The following NEBL variants were observed in gnomAD, a reference collection of about 807,000 sequenced individuals.
The protein encoded by NEBL is LIM and SH3 protein 2.
In NEBL, 122 loss-of-function variants were observed where a neutral mutation model predicts 140.2. The observed-to-expected ratio is 0.87, with a 90% CI of 0.75 to 1.01. The LOEUF is 1.01. NEBL is among the 50% of genes least tolerant of loss of function. The probability of loss-of-function intolerance (pLI) is 0.00; values close to 1 mark genes in which losing one functional copy is unlikely to be tolerated. For synonymous variants in NEBL, 436 were observed against 398.9 expected, an observed-to-expected ratio of 1.09 and a Z score of -1.11; for missense variants, 1,365 against 1,231.3, an observed-to-expected ratio of 1.11 and a Z score of -1.62.
At chr10:21,233,836 TG>T (rs1426152401) in intron 3 of NEBL, among the ~76,000 whole-genome samples, 9 of 122,070 alleles carry the variant, frequency 7.4e-5, no homozygotes, top group South Asian at 3.1e-4. Context: ...TGCATATATA[TG>T]GATATATATT....
chr10:21,267,443 T>C (rs751459578), intron 1 of NEBL, among the ~76,000 whole-genome samples: 47 of 152,356 alleles, frequency 3.1e-4, no homozygotes, highest in African/African-American at 1.1e-3. Context: ...ATTTGGATAG[T>C]TGGGAAAAAA....
intron 3 of NEBL, among the ~76,000 whole-genome samples, chr10:21,230,605 T>TC (rs773444131): frequency 0.046 from 5,846 of 126,546 alleles, 165 homozygotes; most frequent in South Asian, 0.15. Context: ...ACTGGAAACC[T>TC]TTTTTTTTTT....
chr10:20,941,086 C>A (rs866573283), intron 4 of NEBL, among the ~76,000 whole-genome samples: 1 of 151,240 alleles, frequency 6.6e-6, no homozygotes, highest in South Asian at 2.1e-4. Flanking sequence ...ACTCATTTTA[C>A]GAGGCCAGCA....
At position 21,264,810 on chromosome 10, in the gene NEBL, C is replaced by T. The variant is rs540752614; in HGVS notation, n.183-12982G>A. Among the ~76,000 whole-genome samples, 10 of 147,712 alleles carry T rather than the reference C, an allele frequency of 6.8e-5. No individual in the cohort carries two copies. In the South Asian group the frequency reaches 2.2e-3, roughly 32 times the overall value. ...GTTCTGGAGGCTGGGAAATCCAAGA[C>T]CAAGGTGCTAGCAGATTCAGTGTCT... On this transcript the variant is annotated intron_variant and non_coding_transcript_variant, in intron 1 of 8. Transcript: ENST00000675702.
intron 4 of NEBL, among the ~76,000 whole-genome samples, chr10:20,925,495 A>G (rs944365575): frequency 1.3e-5 from 2 of 151,992 alleles, no homozygotes; most frequent in African/African-American, 2.4e-5. Flanking sequence ...CCTTTTTCCC[A>G]AAGCGTCCAC....
chr10:20,807,932 G>T (rs1018777450), intron 26 of NEBL, among the ~76,000 whole-genome samples: 3 of 150,802 alleles, frequency 2.0e-5, no homozygotes, highest in Non-Finnish European at 2.9e-5. Context: ...AAAAGAGTGG[G>T]TATATAAAAT....
At chr10:21,288,834 A>ATATAAATATATATATATG (rs1843101948) in intron 1 of NEBL, among the ~76,000 whole-genome samples, 1 of 81,990 alleles carries the variant, frequency 1.2e-5, no homozygotes, top group Non-Finnish European at 2.3e-5. Context: ...ATATATATAT[A>ATATAAATATATATATATG]TATATATATA....
At chr10:21,146,537 A>G in intron 2 of NEBL, 1 of 1,576,488 alleles carries the variant, frequency 6.3e-7, no homozygotes, top group African/African-American at 1.4e-5. Context: ...GAAAATGGTG[A>G]AAATGGTGCT....
chr10:20,830,733 T>TC (rs1840317501), intron 16 of NEBL, among the ~76,000 whole-genome samples: 1 of 133,192 alleles, frequency 7.5e-6, no homozygotes, highest in South Asian at 2.3e-4. Context: ...TCCAATAGGG[T>TC]CAAAAAAAAA....
intron 2 of NEBL, among the ~76,000 whole-genome samples, chr10:21,037,080 A>G (rs991354627): frequency 1.3e-5 from 2 of 152,142 alleles, no homozygotes; most frequent in Admixed American, 1.3e-4. Flanking sequence ...CAGCATTCCC[A>G]GTCAAGTCTA....
intron 1 of NEBL, among the ~76,000 whole-genome samples, chr10:21,291,407 G>C (rs1164567882): frequency 6.6e-6 from 1 of 151,614 alleles, no homozygotes; most frequent in Non-Finnish European, 1.5e-5. Context: ...TCAGGAGGCT[G>C]AGGCAGGAGA....
At chr10:21,227,791 T>TTC (rs1842189744) in intron 3 of NEBL, among the ~76,000 whole-genome samples, 14 of 146,572 alleles carry the variant, frequency 9.6e-5, no homozygotes, top group African/African-American at 3.6e-4. Flanking sequence ...CTTTCTCTTC[T>TTC]TTCTTCTTCT....
intron 19 of NEBL, among the ~76,000 whole-genome samples, chr10:20,821,602 T>G (rs1252388047): frequency 2.0e-5 from 3 of 152,206 alleles, no homozygotes; most frequent in Admixed American, 2.0e-4. Flanking sequence ...TACCATCAAT[T>G]GAAAACTAGT....
intron 1 of NEBL, among the ~76,000 whole-genome samples, chr10:21,272,298 A>G (rs554603165): frequency 6.6e-6 from 1 of 152,202 alleles, no homozygotes; most frequent in South Asian, 2.1e-4. Context: ...AAAAATAAAC[A>G]AATACACCTG....
chr10:21,005,089 C>T (rs77911366), intron 3 of NEBL, among the ~76,000 whole-genome samples: 2,645 of 152,280 alleles, frequency 0.017, 78 homozygotes, highest in African/African-American at 0.058. Flanking sequence ...TTTGCACGCT[C>T]ACAACCAAAT....
At chr10:20,852,476 A>G (rs1333914995) in intron 10 of NEBL, 69 bp downstream of exon 10, 2 of 970,076 alleles carry the variant, frequency 2.1e-6, no homozygotes, top group Admixed American at 1.7e-5. Flanking sequence ...CACGGCAGTG[A>G]GCGGCGGGCC....
chr10:20,934,800 C>G (rs1438352514), intron 4 of NEBL, among the ~76,000 whole-genome samples: 1 of 152,216 alleles, frequency 6.6e-6, no homozygotes, highest in Admixed American at 6.5e-5. Flanking sequence ...AACTTCCTGA[C>G]TCATACAAGG....
chr10:21,044,406 A>T (rs952031044), intron 2 of NEBL, among the ~76,000 whole-genome samples: 3 of 146,134 alleles, frequency 2.1e-5, no homozygotes, highest in African/African-American at 7.4e-5. Context: ...ATAAAAAAAA[A>T]AAAAAAAAAA....
chr10:21,028,936 T>C, intron 2 of NEBL: 1 of 484,942 alleles, frequency 2.1e-6, no homozygotes, highest in Non-Finnish European at 3.6e-6. Flanking sequence ...CACTAAAAAA[T>C]AGCTATACTA....
Sources: allele counts gnomAD v4.1 joint callset (sites outside exome capture counted in the v4.1 genomes callset), GRCh38; gene constraint gnomAD v4.1.1; transcripts MANE v1.5; gene names NCBI Gene and HGNC (gene_info 2026-07-23, HGNC 2026-07-21).